Variants in NSD1 observed in about 807,000 individuals in gnomAD.
The protein encoded by NSD1 is histone-lysine N-methyltransferase, H3 lysine-36 specific.
A neutral mutation model predicts 242.7 loss-of-function variants in NSD1; 26 were observed. The ratio of observed to expected loss-of-function variants is 0.11; its 90% CI spans 0.08 to 0.15. The LOEUF (loss-of-function observed/expected upper bound fraction) is 0.15, where lower values mean the gene tolerates loss of function less well. Among genes scored for constraint, NSD1 ranks in the 10% least tolerant of loss-of-function variants. NSD1 has a pLI of 1.00. For synonymous variants in NSD1, 1,106 were observed against 1,178.1 expected, an observed-to-expected ratio of 0.94 and a Z score of 1.25; for missense variants, 2,495 against 3,272.8, an observed-to-expected ratio of 0.76 and a Z score of 5.80.
At chr5:177,175,805 G>A (rs888814408) in intron 2 of NSD1, among the ~76,000 whole-genome samples, 3 of 152,080 alleles carry the variant, frequency 2.0e-5, no homozygotes, top group African/African-American at 7.2e-5. Context: ...CAGATGGCAA[G>A]TGATAGATAC....
chr5:177,248,635 G>A (rs149585648), intron 11 of NSD1, among the ~76,000 whole-genome samples: 6 of 152,268 alleles, frequency 3.9e-5, no homozygotes, highest in Admixed American at 3.9e-4. Context: ...TACTTCTCAT[G>A]GTGTCACAAT....
At chr5:177,236,900 G>A (rs531982609) in intron 6 of NSD1, among the ~76,000 whole-genome samples, 22 of 152,258 alleles carry the variant, frequency 1.4e-4, no homozygotes, top group Admixed American at 6.5e-5. Flanking sequence ...AGAGATGCAC[G>A]AACACGGTTC....
chr5:177,264,174 T>C (rs957129863), intron 14 of NSD1, among the ~76,000 whole-genome samples: 2 of 151,882 alleles, frequency 1.3e-5, no homozygotes, highest in Admixed American at 6.6e-5. Flanking sequence ...TAGCTGGGAC[T>C]ACAGGCATGT....
chr5:177,284,002 A>C (rs926080862), intron 20 of NSD1, 74 bp downstream of exon 20: 1 of 1,546,856 alleles, frequency 6.5e-7, no homozygotes, highest in Non-Finnish European at 8.9e-7. Context: ...CAGCTTCCTC[A>C]GATTATAATT....
intron 2 of NSD1, among the ~76,000 whole-genome samples, chr5:177,167,442 G>A (rs1236141666): frequency 6.6e-6 from 1 of 152,112 alleles, no homozygotes; most frequent in Non-Finnish European, 1.5e-5. Context: ...GGCTGAGGCA[G>A]GAGAATCGCT....
chr5:177,250,041 A>G (rs1054684420), intron 11 of NSD1, among the ~76,000 whole-genome samples: 2 of 152,226 alleles, frequency 1.3e-5, no homozygotes, highest in Admixed American at 6.5e-5. Context: ...AGCCATGGTC[A>G]TGCCACTGCA....
At chr5:177,136,755 G>A (rs765867117) in intron 2 of NSD1, 3 of 530,236 alleles carry the variant, frequency 5.7e-6, no homozygotes, top group Middle Eastern at 3.6e-4. Flanking sequence ...CACCACGCCC[G>A]GCTAATTTTT....
rs61064789 is a variant in NSD1 at position 177,159,593 on chromosome 5, AT to A, written c.927+23582del. ...GCCACCAAGTCTGGCCTAAGTCTGA[AT>A]TTTTTTTTTTTTTTTTTTGAGACGG... On this transcript the variant is annotated intron_variant, in intron 2 of 22. Transcript: ENST00000439151. Among the ~76,000 whole-genome samples the A allele has an allele frequency of 9.4e-3, 1,109 of 118,570 alleles. 5 individuals are homozygous for A. The highest frequency in any genetic ancestry group is 0.021 in the African/African-American group (670 of 31,308). 77.8% of individuals were successfully genotyped at this position (118,570 alleles called of 152,430 possible).
In NSD1 at chr5:177,294,627, C is replaced by A. The variant is rs1271164466; in HGVS notation, c.7259C>A (p.Pro2420His). 1.2e-6 allele frequency: 2 copies of A among 1,614,108 alleles called. No homozygotes were observed. The highest frequency in any genetic ancestry group is 1.7e-6 in the Non-Finnish European group (2 of 1,180,050). The change falls in exon 23 of 23, where the codon CCT becomes CAT. Residue 2420 changes from proline (P) to histidine (H), a missense_variant. Coordinates refer to ENST00000439151, the MANE Select transcript of NSD1 (RefSeq NM_022455.5). ...GCCTCTTTGTCCCAGAGACTCCCAC[C>A]TCCTGAGAAAGTACTATCAGCTGTG... Reference protein sequence around the residue: ...PHASLSQRLPPPEKVLSAVVQ... With the variant: ...PHASLSQRLPHPEKVLSAVVQ...
intron 4 of NSD1, among the ~76,000 whole-genome samples, chr5:177,208,630 T>C (rs1763087259): frequency 6.6e-6 from 1 of 151,668 alleles, no homozygotes; most frequent in South Asian, 2.1e-4. Flanking sequence ...TGGGTACAAA[T>C]GATTCTCGTG....
rs181036837 is a variant in NSD1 at position 177,260,973 on chromosome 5, G to A, written c.5146+805G>A. Reference sequence around the variant, plus strand: ...AAAGAGTGAACGTGATGGAAAAAGCGAAGGGATTTGTGAACTTTAGTTATA... The same window carrying A: ...AAAGAGTGAACGTGATGGAAAAAGCAAAGGGATTTGTGAACTTTAGTTATA... On this transcript the variant is annotated intron_variant, in intron 14 of 22. Coordinates refer to ENST00000439151, the MANE Select transcript of NSD1 (RefSeq NM_022455.5). Among the ~76,000 whole-genome samples, 607 of 152,304 alleles carry A rather than the reference G, an allele frequency of 4.0e-3. 1 individual carries two copies. Among genetic ancestry groups the A allele is most frequent in the South Asian group, 0.014 (66 of 4,828 alleles).
intron 2 of NSD1, among the ~76,000 whole-genome samples, chr5:177,185,858 A>T (rs1269807056): frequency 6.8e-5 from 6 of 87,888 alleles, no homozygotes; most frequent in African/African-American, 2.9e-4. Flanking sequence ...TATATTATAT[A>T]TTATATATTT....
intron 2 of NSD1, among the ~76,000 whole-genome samples, chr5:177,156,090 G>A (rs1395427661): frequency 6.6e-6 from 1 of 150,494 alleles, no homozygotes; most frequent in Non-Finnish European, 1.5e-5. Context: ...AAATACCTTC[G>A]AATATGGAAT....
chr5:177,135,921 C>T lies in NSD1; in HGVS notation c.818C>T (p.Ser273Leu). 2 of 1,613,234 alleles carry T rather than the reference C, an allele frequency of 1.2e-6. No homozygotes were observed. Among genetic ancestry groups the T allele is most frequent in the Non-Finnish European group, 1.7e-6 (2 of 1,179,272 alleles). The change falls in exon 2 of 23, where the codon TCA becomes TTA. Residue 273 changes from serine (S) to leucine (L), a missense_variant. Physicochemically the swap from Ser to Leu is moderately radical, Grantham distance 145. This residue lies in a region of NSD1 where 376 missense variants were observed against 367.4 expected (regional missense o/e 1.02). Coordinates refer to ENST00000439151, the MANE Select transcript of NSD1 (RefSeq NM_022455.5). ...ATTACAATAGAAGAGCAATTAAACTCAATAAATTTATCTTTTCAGGATGAT... is the reference window on the plus strand; with the variant it reads ...ATTACAATAGAAGAGCAATTAAACTTAATAAATTTATCTTTTCAGGATGAT... ...TNITIEEQLN[S>L]INLSFQDDPD... is the part of the protein sequence containing the mutation.
intron 2 of NSD1, among the ~76,000 whole-genome samples, chr5:177,140,720 G>C (rs529655928): frequency 6.6e-6 from 1 of 152,116 alleles, no homozygotes; most frequent in East Asian, 1.9e-4. Context: ...CTAAAGAAAG[G>C]GGGTAAATCT....
At chr5:177,196,455 A>G (rs1039103697) in intron 3 of NSD1, among the ~76,000 whole-genome samples, 8 of 152,100 alleles carry the variant, frequency 5.3e-5, no homozygotes, top group African/African-American at 1.9e-4. Context: ...ACAGATGAGG[A>G]GGTAAAATGC....
At chr5:177,233,326 C>T (rs1046390333) in intron 5 of NSD1, among the ~76,000 whole-genome samples, 6 of 151,966 alleles carry the variant, frequency 3.9e-5, no homozygotes, top group African/African-American at 1.5e-4. Context: ...GCATTGGCTT[C>T]CCTAAGTGCT....
In NSD1 at chr5:177,269,059, T is replaced by G. The variant is rs892469642; in HGVS notation, c.5304-543T>G. Among the ~76,000 whole-genome samples, 5 of 152,300 alleles carry G rather than the reference T, an allele frequency of 3.3e-5. No homozygotes were observed. The East Asian group carries it at 9.6e-4, about 29-fold the overall frequency. ...GGTAGATAGAGGTTTCCAGCTTTAA[T>G]AGGTAGTGCCAAATTGTCTCCCTAA... On this transcript the variant is annotated intron_variant, in intron 15 of 22. Transcript: ENST00000439151. This position sits in a 1 kb window ranked among gnomAD's most constrained non-coding sequence, Gnocchi z 5.1.
chr5:177,159,401 G>T (rs1758547141), intron 2 of NSD1, among the ~76,000 whole-genome samples: 1 of 151,004 alleles, frequency 6.6e-6, no homozygotes, highest in African/African-American at 2.4e-5. Context: ...CGGTGCCTCA[G>T]CTTCCCAAGT....
Sources: gnomAD v4.1 joint callset for allele counts (sites outside exome capture counted in the v4.1 genomes callset) on GRCh38, gnomAD v4.1.1 for gene constraint, gnomAD v4.1.1 regional missense constraint, Gnocchi (gnomAD v3.1) non-coding constraint, MANE v1.5 for transcripts, NCBI Gene and HGNC (gene_info 2026-07-23, HGNC 2026-07-21) for gene names.